The following SNX7 variants were observed in gnomAD, a reference collection of about 807,000 sequenced individuals.
SNX7 encodes the protein sorting nexin-7.
In SNX7, 35 loss-of-function variants were observed where a neutral mutation model predicts 48.4. That is an observed-to-expected ratio of 0.72 (90% CI 0.55 to 0.96). SNX7 has a LOEUF of 0.96. SNX7 is among the 40% of genes least tolerant of loss of function. The pLI, the probability that SNX7 is intolerant of heterozygous loss-of-function variation, is 0.00. For synonymous variants in SNX7, 190 were observed against 190.2 expected (o/e 1.00, Z 0.01); for missense variants, 553 against 548.9 (o/e 1.01, Z -0.07).
intron 4 of SNX7, among the ~76,000 whole-genome samples, chr1:98,691,926 C>CAT (rs1204463421): frequency 1.1e-4 from 13 of 122,176 alleles, no homozygotes; most frequent in Middle Eastern, 4.0e-3. Context: ...CACACACACA[C>CAT]ACACACACAC....
chr1:98,758,958 TATAC>T (rs1208586456), intron 8 of SNX7, among the ~76,000 whole-genome samples: 1 of 151,994 alleles, frequency 6.6e-6, no homozygotes, highest in Admixed American at 6.6e-5. Context: ...CACATAAGTA[TATAC>T]ATACATACTT....
At chr1:98,675,838 A>C (rs1380584351) in intron 1 of SNX7, among the ~76,000 whole-genome samples, 1 of 152,110 alleles carries the variant, frequency 6.6e-6, no homozygotes, top group African/African-American at 2.4e-5. Flanking sequence ...CTTATTATTT[A>C]TCTATGCAAC....
At chr1:98,736,618 A>G (rs895526610) in intron 7 of SNX7, among the ~76,000 whole-genome samples, 1 of 152,200 alleles carries the variant, frequency 6.6e-6, no homozygotes, top group Admixed American at 6.6e-5. Context: ...AGAGTGAAAA[A>G]ATAAAACACA....
intron 5 of SNX7, among the ~76,000 whole-genome samples, chr1:98,697,527 A>AC (rs1317417791): frequency 6.6e-6 from 1 of 152,152 alleles, no homozygotes; most frequent in Non-Finnish European, 1.5e-5. Flanking sequence ...AATTGTAAAG[A>AC]CAGTCACATT....
chr1:98,707,063 G>T (rs1652048619), intron 7 of SNX7, among the ~76,000 whole-genome samples: 1 of 152,118 alleles, frequency 6.6e-6, no homozygotes, highest in Admixed American at 6.6e-5. Context: ...ATTTGTCAAG[G>T]TCATTAAAGT....
At chr1:98,734,275 A>T (rs918265243) in intron 7 of SNX7, among the ~76,000 whole-genome samples, 5 of 152,062 alleles carry the variant, frequency 3.3e-5, no homozygotes, top group African/African-American at 1.2e-4. Flanking sequence ...TATGTATCCC[A>T]TTCTACTTTT....
At chr1:98,693,275 A>G (rs1486151298) in intron 4 of SNX7, among the ~76,000 whole-genome samples, 2 of 152,192 alleles carry the variant, frequency 1.3e-5, no homozygotes, top group Non-Finnish European at 2.9e-5. Flanking sequence ...AATTTCTAAT[A>G]CAGAAACCTT....
chr1:98,667,216 A>C (rs1203806468), intron 1 of SNX7, among the ~76,000 whole-genome samples: 1 of 152,250 alleles, frequency 6.6e-6, no homozygotes, highest in East Asian at 1.9e-4. Context: ...TCTGTATATC[A>C]TAATCAGCCT....
chr1:98,711,143 A>C (rs993119469), intron 7 of SNX7, among the ~76,000 whole-genome samples: 1 of 152,052 alleles, frequency 6.6e-6, no homozygotes, highest in Admixed American at 6.6e-5. Flanking sequence ...CAGCCTCCCA[A>C]GTAGTGGGGA....
intron 1 of SNX7, chr1:98,662,649 TTG>T (rs993746616): frequency 7.8e-7 from 1 of 1,286,868 alleles, no homozygotes; most frequent in African/African-American, 1.5e-5. Context: ...AGACTGGTGT[TTG>T]TAATTTCTTA....
intron 8 of SNX7, among the ~76,000 whole-genome samples, chr1:98,748,004 T>C (rs965064080): frequency 7.2e-6 from 1 of 138,302 alleles, no homozygotes; most frequent in Non-Finnish European, 1.5e-5. Flanking sequence ...TGAGATGGAG[T>C]CTTGCTCTGT....
At chr1:98,720,973 G>A (rs1036242095) in intron 7 of SNX7, among the ~76,000 whole-genome samples, 3 of 152,066 alleles carry the variant, frequency 2.0e-5, no homozygotes, top group African/African-American at 7.2e-5. Context: ...CACAGTACTA[G>A]AGCAAAAATA....
intron 1 of SNX7, among the ~76,000 whole-genome samples, chr1:98,673,830 A>G (rs1010032306): frequency 1.3e-5 from 2 of 152,230 alleles, no homozygotes; most frequent in Non-Finnish European, 2.9e-5. Flanking sequence ...GGAGAGGATT[A>G]AATGAAATAA....
At chr1:98,679,986 G>A (rs1321928639) in intron 1 of SNX7, among the ~76,000 whole-genome samples, 1 of 152,166 alleles carries the variant, frequency 6.6e-6, no homozygotes, top group Non-Finnish European at 1.5e-5. Flanking sequence ...ACTCTGTGTG[G>A]GGGCTCCAAC....
At position 98,661,773 on chromosome 1, in the gene SNX7, C is replaced by T; in HGVS notation, c.42C>T (p.Gly14=). The T allele has an allele frequency of 8.1e-7, 1 of 1,241,904 alleles. No homozygotes were observed. Among genetic ancestry groups the T allele is most frequent in the Non-Finnish European group, 1.0e-6 (1 of 986,198 alleles). The allele number at this position is 1,241,904 out of a possible 1,614,324, so 76.9% of individuals were successfully genotyped here. Residue 14 remains glycine, a synonymous_variant, in exon 1 of 9, where the codon GGC becomes GGT. Transcript: ENST00000306121. ...ERRASQAPSS[G]LPAGGANGES... Reference sequence around the variant, plus strand: ...GGGCATCGCAGGCGCCCTCCTCGGGCCTCCCGGCCGGGGGCGCCAACGGGG... The same window carrying T: ...GGGCATCGCAGGCGCCCTCCTCGGGTCTCCCGGCCGGGGGCGCCAACGGGG...
rs187006905 is a variant in SNX7, at chr1:98,715,187, A to G, written c.1125+13284A>G. 2.6e-5 allele frequency among the ~76,000 whole-genome samples: 4 copies of G among 152,274 alleles called. No individual in the cohort carries two copies. In the East Asian group the frequency reaches 7.7e-4, roughly 29 times the overall value. ...AGTTAGATGTCTCCTTCAGTCTGGA[A>G]CAGTCTTTCATCTTCCCTTAACTTT... is the stretch of plus-strand genomic sequence containing the variant. On this transcript the variant is annotated intron_variant, in intron 7 of 8. Transcript: ENST00000306121.
At chr1:98,667,573 G>T (rs1388417598) in intron 1 of SNX7, among the ~76,000 whole-genome samples, 1 of 151,694 alleles carries the variant, frequency 6.6e-6, no homozygotes, top group Non-Finnish European at 1.5e-5. Context: ...GTAGAGATGG[G>T]GTTTTGCCAT....
chr1:98,747,569 T>C (rs757346629), intron 8 of SNX7, among the ~76,000 whole-genome samples: 8 of 152,154 alleles, frequency 5.3e-5, no homozygotes, highest in Non-Finnish European at 1.0e-4. Flanking sequence ...ACAAAACAAT[T>C]GTTCTTCACC....
At chr1:98,666,811 A>T (rs1649561114) in intron 1 of SNX7, among the ~76,000 whole-genome samples, 1 of 152,208 alleles carries the variant, frequency 6.6e-6, no homozygotes, top group Non-Finnish European at 1.5e-5. Context: ...CGTGTTGTCC[A>T]GTGGGACACT....
Sources: gnomAD v4.1 joint callset for allele counts (sites outside exome capture counted in the v4.1 genomes callset) on GRCh38, gnomAD v4.1.1 for gene constraint, MANE v1.5 for transcripts, NCBI Gene and HGNC (gene_info 2026-07-23, HGNC 2026-07-21) for gene names.